The following DOCK11 variants were observed in gnomAD, a reference collection of about 807,000 sequenced individuals.
DOCK11 encodes dedicator of cytokinesis protein 11.
A neutral mutation model predicts 169.1 loss-of-function variants in DOCK11; 70 were observed. That is an observed-to-expected ratio of 0.41 (90% confidence interval 0.34 to 0.51). DOCK11 has a LOEUF of 0.51. Ranked by LOEUF, DOCK11 falls within the 20% of genes least tolerant of loss-of-function variation. DOCK11 has a pLI of 0.10. For missense variants in DOCK11, 1,166 were observed against 1,538.8 expected (o/e 0.76, Z 4.05); for synonymous variants, 529 against 541.3 (o/e 0.98, Z 0.32).
chrX:118,639,498 T>G lies in DOCK11; in HGVS notation c.4065T>G (p.Ala1355=), dbSNP rs753650321. The part of the protein sequence containing the change: ...GIDRKSQTMP[A]LRNRSGVMQA... ...ACCGAAAATCGCAAACCATGCCTGC[T>G]CTTCGAAACAGATCAGGAGTAATGC... Residue 1355 remains alanine (A), a synonymous_variant, in exon 38 of 53, where the codon GCT becomes GCG. Transcript: ENST00000276202. The G allele has an allele frequency of 8.3e-6, 10 of 1,211,398 alleles. No homozygotes were observed. Among genetic ancestry groups the G allele is most frequent in the Non-Finnish European group, 1.1e-5 (10 of 895,190 alleles).
At position 118,503,074 on chromosome X, in the gene DOCK11, C is replaced by CTTTTTTTTTTT. The variant is rs767017269; in HGVS notation, c.102+7007_102+7017dup. Among the ~76,000 whole-genome samples, 3 of 90,789 alleles carry CTTTTTTTTTTT rather than the reference C, an allele frequency of 3.3e-5. 1 individual carries two copies. The highest frequency in any genetic ancestry group is 8.4e-5 in the African/African-American group (2 of 23,846). 78.8% of individuals were successfully genotyped at this position (90,789 alleles called of 115,157 possible). ...TAGTTCTGGAGAGAGATAACAAAGG[C>CTTTTTTTTTTT]TTTTTTTTTTTTTTTTGAAATGGAG... On this transcript the variant is annotated intron_variant, in intron 1 of 52. Coordinates refer to ENST00000276202, the MANE Select transcript of DOCK11 (RefSeq NM_144658.4).
intron 45 of DOCK11, among the ~76,000 whole-genome samples, chrX:118,665,634 C>T (rs998210765): frequency 2.7e-5 from 3 of 112,104 alleles, no homozygotes; most frequent in Non-Finnish European, 3.8e-5. Flanking sequence ...GTAATTTATA[C>T]ATACTTCTAT....
At chrX:118,584,696 A>T (rs1603090109) in intron 14 of DOCK11, 39 bp from the exon 15 acceptor site, 1 of 966,151 alleles carries the variant, frequency 1.0e-6, no homozygotes, top group Admixed American at 3.7e-5. Flanking sequence ...TCAACATGGA[A>T]TTTTTTTTTT....
intron 32 of DOCK11, among the ~76,000 whole-genome samples, chrX:118,625,112 C>T (rs751695191): frequency 9.1e-6 from 1 of 109,329 alleles, no homozygotes; most frequent in South Asian, 3.9e-4. Context: ...CAGTGCTTTG[C>T]AAACTTTAAT....
At chrX:118,578,299 G>T (rs917972719) in intron 12 of DOCK11, among the ~76,000 whole-genome samples, 1 of 111,677 alleles carries the variant, frequency 9.0e-6, no homozygotes, top group Non-Finnish European at 1.9e-5. Flanking sequence ...TGACACCTGC[G>T]CTATGGAGAC....
At chrX:118,647,800 TATA>T (rs1268337706) in intron 40 of DOCK11, among the ~76,000 whole-genome samples, 2 of 46,255 alleles carry the variant, frequency 4.3e-5, no homozygotes, top group South Asian at 1.2e-3. Flanking sequence ...TATTATAATA[TATA>T]ATAATATATA....
chrX:118,509,980 C>T (rs757225358), intron 1 of DOCK11, among the ~76,000 whole-genome samples: 1 of 112,226 alleles, frequency 8.9e-6, no homozygotes, highest in South Asian at 3.7e-4. Flanking sequence ...TTCTCTGACA[C>T]CGGCTCTCTT....
intron 39 of DOCK11, among the ~76,000 whole-genome samples, chrX:118,642,007 T>G (rs1265462458): frequency 1.8e-5 from 2 of 111,453 alleles, no homozygotes; most frequent in Non-Finnish European, 3.8e-5. Flanking sequence ...TGGCCTGTGC[T>G]TTTCAAAGAG....
chrX:118,568,425 T>TATATATA (rs1262713292), intron 10 of DOCK11, among the ~76,000 whole-genome samples: 28 of 77,064 alleles, frequency 3.6e-4, no homozygotes, highest in Non-Finnish European at 5.0e-4. Flanking sequence ...TATATATATA[T>TATATATA]TTCTCAGTTT....
chrX:118,603,452 A>C (rs1408542438), intron 23 of DOCK11, among the ~76,000 whole-genome samples: 1 of 112,533 alleles, frequency 8.9e-6, no homozygotes, highest in East Asian at 2.8e-4. Context: ...TACTGGTAGC[A>C]GGGAATGCCC....
At chrX:118,543,897 C>T (rs2012136819) in intron 4 of DOCK11, among the ~76,000 whole-genome samples, 2 of 111,696 alleles carry the variant, frequency 1.8e-5, no homozygotes, top group Non-Finnish European at 1.9e-5. Flanking sequence ...TTGCAGTGAG[C>T]GGAGATCATG....
chrX:118,562,194 C>G (rs1208923412), intron 7 of DOCK11, among the ~76,000 whole-genome samples: 1 of 109,277 alleles, frequency 9.2e-6, no homozygotes, highest in Non-Finnish European at 1.9e-5. Flanking sequence ...GAAAATGAAC[C>G]TTGGCATTTT....
intron 40 of DOCK11, among the ~76,000 whole-genome samples, chrX:118,647,540 ATT>A (rs2015723425): frequency 1.4e-5 from 1 of 73,140 alleles, no homozygotes; most frequent in Non-Finnish European, 2.5e-5. Context: ...AATATTATAT[ATT>A]ATATATGTTA....
chrX:118,595,372 A>G (rs1296410149), intron 20 of DOCK11, among the ~76,000 whole-genome samples: 1 of 111,847 alleles, frequency 8.9e-6, no homozygotes, highest in Non-Finnish European at 1.9e-5. Context: ...GCCAATAGCA[A>G]AACTGTGGGT....
At chrX:118,625,343 G>A (rs1023584829) in intron 32 of DOCK11, among the ~76,000 whole-genome samples, 2 of 110,330 alleles carry the variant, frequency 1.8e-5, no homozygotes, top group Admixed American at 9.7e-5. Context: ...ATTTAGTAGA[G>A]ACGGTGTTTC....
Position 118,681,741 on chromosome X carries a change from C to T in DOCK11, c.5910C>T (p.Ser1970=). 1 of 1,206,750 alleles carries T rather than the reference C, an allele frequency of 8.3e-7. No homozygotes were observed. Among genetic ancestry groups the T allele is most frequent in the Non-Finnish European group, 1.1e-6 (1 of 893,215 alleles). The change falls in exon 51 of 53, where the codon AGC becomes AGT. Residue 1970 remains serine (S), a synonymous_variant. Coordinates refer to ENST00000276202, the MANE Select transcript of DOCK11 (RefSeq NM_144658.4). ...ATGCAAGAGCTTTCTTAAATGACAG[C>T]CAAGCTAGCAAGTATCCACCTAAGA... ...LAYARAFLND[S]QASKYPPKKV... is the part of the protein sequence containing the mutation.
At chrX:118,592,082 G>A (rs751549408) in intron 19 of DOCK11, among the ~76,000 whole-genome samples, 42 of 107,307 alleles carry the variant, frequency 3.9e-4, no homozygotes, top group Middle Eastern at 4.7e-3. Flanking sequence ...GAATAGTGCC[G>A]CAATAAACAT....
chrX:118,642,818 C>G (rs2015564843), intron 39 of DOCK11, among the ~76,000 whole-genome samples: 1 of 111,760 alleles, frequency 8.9e-6, no homozygotes, highest in Non-Finnish European at 1.9e-5. Context: ...TGAGGGTTAG[C>G]AGGATAGGGC....
intron 23 of DOCK11, among the ~76,000 whole-genome samples, chrX:118,600,409 T>A (rs530182142): frequency 0.027 from 1,966 of 73,946 alleles, 41 homozygotes; most frequent in African/African-American, 0.069. Context: ...TCTTTTTTTT[T>A]AAAAAAAAAA....
Sources: allele counts gnomAD v4.1 joint callset (sites outside exome capture counted in the v4.1 genomes callset), GRCh38; gene constraint gnomAD v4.1.1; transcripts MANE v1.5; gene names NCBI Gene and HGNC (gene_info 2026-07-23, HGNC 2026-07-21).